Variants in HDHD2 observed in about 807,000 individuals in gnomAD.
The protein encoded by HDHD2 is haloacid dehalogenase like hydrolase domain containing 2, also known as haloacid dehalogenase-like hydrolase domain-containing protein 2.
A neutral mutation model predicts 24.8 loss-of-function variants in HDHD2; 26 were observed. The observed-to-expected ratio is 1.05, with a 90% CI of 0.77 to 1.45. The LOEUF (loss-of-function observed/expected upper bound fraction) is 1.45. Ranked by LOEUF, HDHD2 falls within the 40% of genes most tolerant of loss-of-function variation. HDHD2 has a pLI of 0.00. For synonymous variants in HDHD2, 128 were observed against 114.9 expected (o/e 1.11, Z -0.73); for missense variants, 299 against 313.4 (o/e 0.95, Z 0.35).
At chr18:47,124,611 C>T (rs2063638983) in intron 4 of HDHD2, among the ~76,000 whole-genome samples, 1 of 142,438 alleles carries the variant, frequency 7.0e-6, no homozygotes, top group African/African-American at 2.6e-5. Flanking sequence ...GAGGCTGAGA[C>T]AGGAGAATTG....
chr18:47,134,490 C>T lies in HDHD2; in HGVS notation c.310+6G>A. 1 of 1,609,140 alleles carries T rather than the reference C, an allele frequency of 6.2e-7. No homozygotes were observed. Among genetic ancestry groups the T allele is most frequent in the Non-Finnish European group, 8.5e-7 (1 of 1,176,246 alleles). On this transcript the variant is annotated splice_donor_region_variant and intron_variant, in intron 3 of 6. Coordinates refer to ENST00000300605, the MANE Select transcript of HDHD2 (RefSeq NM_032124.5). ...CCAATCTTTAAATTTTCCAAATTTC[C>T]CCTACCTTTGAAATCAGGTAGTGCC...
chr18:47,143,465 A>G (rs1013585577), intron 1 of HDHD2, among the ~76,000 whole-genome samples: 2 of 152,200 alleles, frequency 1.3e-5, no homozygotes, highest in African/African-American at 4.8e-5. Context: ...TATTCTACTA[A>G]TATTTCCTCA....
intron 1 of HDHD2, among the ~76,000 whole-genome samples, chr18:47,138,667 T>C (rs1386292102): frequency 6.6e-6 from 1 of 152,212 alleles, no homozygotes; most frequent in Non-Finnish European, 1.5e-5. Flanking sequence ...TATATAAATA[T>C]ACAAAATGAT....
chr18:47,107,992 A>G lies in HDHD2; in HGVS notation c.*690T>C, dbSNP rs1268377475. 1 of 152,702 alleles carries G rather than the reference A, an allele frequency of 6.5e-6. No individual in the cohort carries two copies. The highest frequency in any genetic ancestry group is 6.5e-5 in the Admixed American group (1 of 15,288). The allele number at this position is 152,702 out of a possible 1,614,324, so 9.5% of individuals were successfully genotyped here. A position where few individuals can be genotyped will look rare whatever the true frequency, so the allele number is the denominator to read the frequency against. ...ATTTCCAAAACAACTGTTACACAGT[A>G]TAATAGGTATCTGCAATGAATAGGT... is the stretch of plus-strand genomic sequence containing the variant. On this transcript the variant is annotated 3_prime_UTR_variant, in exon 7 of 7. Transcript: ENST00000300605.
intron 1 of HDHD2, among the ~76,000 whole-genome samples, chr18:47,144,295 T>C (rs538110651): frequency 5.3e-5 from 8 of 152,152 alleles, no homozygotes; most frequent in Non-Finnish European, 1.0e-4. Flanking sequence ...TCTGAAGAGA[T>C]AGATCCTCTG....
At chr18:47,137,138 G>A in intron 1 of HDHD2, 1 of 726,914 alleles carries the variant, frequency 1.4e-6, no homozygotes, top group Non-Finnish European at 2.6e-6. Flanking sequence ...TACACCACTT[G>A]GTAAACTAAT....
At chr18:47,139,592 T>C (rs72907230) in intron 1 of HDHD2, among the ~76,000 whole-genome samples, 1,825 of 150,178 alleles carry the variant, frequency 0.012, 20 homozygotes, top group Non-Finnish European at 0.019. Flanking sequence ...TGTGAAAACC[T>C]CAACCTGAAG....
chr18:47,143,140 G>A lies in HDHD2; in HGVS notation c.-10-6691C>T, dbSNP rs542783962. Among the ~76,000 whole-genome samples the A allele has an allele frequency of 2.6e-4, 40 of 152,238 alleles. No homozygotes were observed. In the South Asian group the frequency reaches 2.9e-3, roughly 11 times the overall value. ...AAATTTAGAAGCACGTGTCCAAGAA[G>A]CTATTTTTCTCTTTTAAAAGAAGAT... On this transcript the variant is annotated intron_variant, in intron 1 of 6. Transcript: ENST00000300605.
In HDHD2 at chr18:47,134,537, G is replaced by A. The variant is rs1264782945; in HGVS notation, c.269C>T (p.Pro90Leu). ...TGCCCGATCATCAACTAGCAGCATG[G>A]GTCTGACTTGTTTCCGCTCTAGTAA... ...RSLLERKQVR[P>L]MLLVDDRALP... Residue 90 changes from proline to leucine, a missense_variant, in exon 3 of 7, where the codon CCC becomes CTC. By Grantham distance (98) the Pro-to-Leu change is moderately conservative (BLOSUM62 -3). Coordinates refer to ENST00000300605, the MANE Select transcript of HDHD2 (RefSeq NM_032124.5). 2 of 1,613,882 alleles carry A rather than the reference G, an allele frequency of 1.2e-6. No homozygotes were observed. Among genetic ancestry groups the A allele is most frequent in the Non-Finnish European group, 1.7e-6 (2 of 1,179,972 alleles).
chr18:47,131,846 T>C (rs2063716511), intron 3 of HDHD2, among the ~76,000 whole-genome samples: 1 of 152,228 alleles, frequency 6.6e-6, no homozygotes, highest in Non-Finnish European at 1.5e-5. Context: ...CCACTATGAA[T>C]GAACAGGTCA....
At chr18:47,125,822 G>T (rs964378369) in intron 4 of HDHD2, among the ~76,000 whole-genome samples, 2 of 152,264 alleles carry the variant, frequency 1.3e-5, no homozygotes, top group South Asian at 2.1e-4. Context: ...ATATCTATGT[G>T]TAAAATTGTA....
chr18:47,110,780 G>A lies in HDHD2; in HGVS notation c.677-1995C>T, dbSNP rs763966818. 43 of 984,712 alleles carry A rather than the reference G, an allele frequency of 4.4e-5. No individual in the cohort carries two copies. In the Middle Eastern group the frequency reaches 1.6e-3, roughly 36 times the overall value. 61.0% of individuals were successfully genotyped at this position (984,712 alleles called of 1,614,324 possible). On this transcript the variant is annotated intron_variant, in intron 6 of 6. Coordinates refer to ENST00000300605, the MANE Select transcript of HDHD2 (RefSeq NM_032124.5). Reference sequence around the variant, plus strand: ...GGAGAAAACAGGATGCTATGTTGATGATATATGAAGGCAAAGAAAGATCCT... The same window carrying A: ...GGAGAAAACAGGATGCTATGTTGATAATATATGAAGGCAAAGAAAGATCCT...
chr18:47,148,779 T>C (rs1279701345), intron 1 of HDHD2, among the ~76,000 whole-genome samples: 4 of 152,258 alleles, frequency 2.6e-5, no homozygotes, highest in Non-Finnish European at 4.4e-5. Context: ...TCAACTCTCA[T>C]CTAGACTATT....
Position 47,108,123 on chromosome 18 carries a change from G to A in HDHD2, c.*559C>T, listed in dbSNP as rs1385067741. 6.6e-6 allele frequency: 1 copy of A among 152,644 alleles called. No individual in the cohort carries two copies. The highest frequency in any genetic ancestry group is 6.5e-5 in the Admixed American group (1 of 15,286). The allele number at this position is 152,644 out of a possible 1,614,324, so 9.5% of individuals were successfully genotyped here. On this transcript the variant is annotated 3_prime_UTR_variant, in exon 7 of 7. Coordinates refer to ENST00000300605, the MANE Select transcript of HDHD2 (RefSeq NM_032124.5). Reference sequence around the variant, plus strand: ...AGTCACCCGTGCTGGGAATACAGTAGAAAATTTAGTTTTCAACATCTGTTA... The same window carrying A: ...AGTCACCCGTGCTGGGAATACAGTAAAAAATTTAGTTTTCAACATCTGTTA...
rs1432023923 is a variant in HDHD2, at chr18:47,107,964, A to G, written c.*718T>C. 6.5e-6 allele frequency: 1 copy of G among 152,688 alleles called. No individual in the cohort carries two copies. Among genetic ancestry groups the G allele is most frequent in the Non-Finnish European group, 1.5e-5 (1 of 68,050 alleles). The allele number at this position is 152,688 out of a possible 1,614,324, so 9.5% of individuals were successfully genotyped here. A position where few individuals can be genotyped will look rare whatever the true frequency, so the allele number is the denominator to read the frequency against. On this transcript the variant is annotated 3_prime_UTR_variant, in exon 7 of 7. Coordinates refer to ENST00000300605, the MANE Select transcript of HDHD2 (RefSeq NM_032124.5). ...AATACTGATAGTTTTAATTTTACATAAAATTTCCAAAACAACTGTTACACA... is the reference window on the plus strand; with the variant it reads ...AATACTGATAGTTTTAATTTTACATGAAATTTCCAAAACAACTGTTACACA...
At chr18:47,112,014 G>A (rs905873712) in intron 6 of HDHD2, among the ~76,000 whole-genome samples, 4 of 152,208 alleles carry the variant, frequency 2.6e-5, no homozygotes, top group African/African-American at 9.6e-5. Flanking sequence ...ATTTATAAGA[G>A]TCTGGTGATG....
intron 1 of HDHD2, chr18:47,137,301 C>A (rs530991324): frequency 2.4e-6 from 1 of 422,302 alleles, no homozygotes; most frequent in South Asian, 2.4e-5. Flanking sequence ...AGGTGTCTAG[C>A]GAAAAGGGAA....
chr18:47,130,828 G>C (rs2063706992), intron 3 of HDHD2, among the ~76,000 whole-genome samples: 1 of 152,176 alleles, frequency 6.6e-6, no homozygotes, highest in Non-Finnish European at 1.5e-5. Flanking sequence ...GCACTGCAGA[G>C]TCTACAGTTT....
Position 47,118,944 on chromosome 18 carries a change from T to C in HDHD2, c.396-3596A>G, listed in dbSNP as rs550357482. Among the ~76,000 whole-genome samples the C allele has an allele frequency of 1.7e-4, 26 of 152,356 alleles. No homozygotes were observed. The South Asian group carries it at 3.3e-3, about 19-fold the overall frequency. On this transcript the variant is annotated intron_variant, in intron 4 of 6. Transcript: ENST00000300605. ...ATATTTTGGATTCAGCTGCAGACCA[T>C]TGCAATACAGCAAGTATCGCAATAA...
Sources: gnomAD v4.1 joint callset for allele counts (sites outside exome capture counted in the v4.1 genomes callset) on GRCh38, gnomAD v4.1.1 for gene constraint, MANE v1.5 for transcripts, NCBI Gene and HGNC (gene_info 2026-07-23, HGNC 2026-07-21) for gene names.